Variants in FAM234A observed in about 807,000 individuals in gnomAD.
FAM234A encodes protein FAM234A.
In FAM234A, 42 loss-of-function variants were observed where a neutral mutation model predicts 49.1. The observed-to-expected ratio is 0.86, with a 90% CI of 0.67 to 1.11. The LOEUF is 1.11. Ranked by LOEUF, FAM234A falls within the 50% of genes least tolerant of loss-of-function variation. The pLI is 0.00. For synonymous variants in FAM234A, 369 were observed against 316.2 expected (o/e 1.17, Z -1.77); for missense variants, 815 against 745.2 (o/e 1.09, Z -1.09).
rs575086627 is a variant in FAM234A at position 235,918 on chromosome 16, C to A, written c.-140+1061C>A. ...CTGTCATCCCAGCACTTTGGGAGGC[C>A]GAGGCAGGCGGATCACCTGAGGTCA... On this transcript the variant is annotated intron_variant, in intron 1 of 12. Transcript: ENST00000399932. Among the ~76,000 whole-genome samples the A allele has an allele frequency of 3.3e-4, 50 of 150,682 alleles. 1 individual carries two copies. The highest frequency in any genetic ancestry group is 7.4e-4 in the Non-Finnish European group (50 of 67,602).
In FAM234A at chr16:237,918, C is replaced by T. The variant is rs56007737; in HGVS notation, c.-140+3061C>T. 2.0e-5 allele frequency among the ~76,000 whole-genome samples: 3 copies of T among 151,668 alleles called. No individual in the cohort carries two copies. In the East Asian group the frequency reaches 5.8e-4, roughly 29 times the overall value. On this transcript the variant is annotated intron_variant, in intron 1 of 12. Transcript: ENST00000399932. ...GGGGTTTCACCATGTTGGCTGGGCT[C>T]GTCTCAAACTCCTGGCCTCAGGTGA...
chr16:258,729 G>A (rs1190191627), intron 3 of FAM234A, among the ~76,000 whole-genome samples: 1 of 152,158 alleles, frequency 6.6e-6, no homozygotes, highest in African/African-American at 2.4e-5. Context: ...CAGTAGGGGT[G>A]GCCGGGCAGA....
Position 264,894 on chromosome 16 carries a change from G to A in FAM234A, c.1531G>A (p.Val511Met), listed in dbSNP as rs1467789952. The change falls in exon 13 of 13, where the codon GTG (valine) becomes ATG (methionine). Residue 511 changes from valine (V) to methionine (M), a missense_variant. Val to Met is a conservative substitution (Grantham distance 21). Coordinates refer to ENST00000399932, the MANE Select transcript of FAM234A (RefSeq NM_032039.4). The part of the protein sequence containing the change: ...ADSEAPGLVS[V>M]IKHKVRDLVP... ...CTCAGAGGCACCCGGCCTGGTCTCT[G>A]TGATCAAGCACAAGGTGCGGGACCT... The A allele has an allele frequency of 6.2e-7, 1 of 1,613,056 alleles. No individual in the cohort carries two copies. Among genetic ancestry groups the A allele is most frequent in the East Asian group, 2.2e-5 (1 of 44,888 alleles).
intron 11 of FAM234A, 108 bp from the exon 12 acceptor site, chr16:264,506 A>T: frequency 1.2e-6 from 1 of 850,556 alleles, no homozygotes; most frequent in Non-Finnish European, 1.9e-6. Flanking sequence ...GGGGACCCAG[A>T]TAGGGCCCCT....
chr16:269,111 A>T (rs766186232), downstream of FAM234A: 26 of 891,030 alleles, frequency 2.9e-5, no homozygotes, highest in Non-Finnish European at 3.5e-5. Context: ...GGAGGGAGGG[A>T]GGCTGTGCAC....
chr16:250,166 C>T (rs557155383), intron 2 of FAM234A, among the ~76,000 whole-genome samples: 14 of 152,314 alleles, frequency 9.2e-5, no homozygotes, highest in South Asian at 4.1e-4. Flanking sequence ...CTCCTGACCT[C>T]GTGATCCTCC....
At chr16:251,074 A>G (rs797001666) in intron 2 of FAM234A, among the ~76,000 whole-genome samples, 49 of 152,262 alleles carry the variant, frequency 3.2e-4, no homozygotes, top group African/African-American at 8.7e-4. Flanking sequence ...CTCCTGCCTC[A>G]GCCTCCCGAG....
At chr16:237,547 C>A (rs1237397879) in intron 1 of FAM234A, among the ~76,000 whole-genome samples, 1 of 152,242 alleles carries the variant, frequency 6.6e-6, no homozygotes, top group East Asian at 1.9e-4. Flanking sequence ...AGGCTAGTGA[C>A]TGGAAGCCTC....
chr16:266,824 G>A (rs899468294), downstream of FAM234A, among the ~76,000 whole-genome samples: 6 of 152,296 alleles, frequency 3.9e-5, no homozygotes, highest in East Asian at 1.9e-4. Flanking sequence ...ACCGCCAGGC[G>A]GGCAGGGTGG....
At chr16:236,055 C>T (rs1403987702) in intron 1 of FAM234A, among the ~76,000 whole-genome samples, 1 of 151,888 alleles carries the variant, frequency 6.6e-6, no homozygotes, top group African/African-American at 2.4e-5. Flanking sequence ...CGGGTTCAAG[C>T]GATTCTCCCC....
At position 252,162 on chromosome 16, in the gene FAM234A, A is replaced by G. The variant is rs151330263; in HGVS notation, c.-33-2219A>G. ...ACAGGCATGAGCCACCGTGCTGGCC[A>G]TGTCTCTGTTTTTCTGTTTTTTGTT... On this transcript the variant is annotated intron_variant, in intron 2 of 12. Transcript: ENST00000399932. Among the ~76,000 whole-genome samples the G allele has an allele frequency of 9.7e-3, 1,409 of 144,782 alleles. 22 individuals are homozygous for G. Among genetic ancestry groups the G allele is most frequent in the African/African-American group, 0.034 (1,343 of 38,944 alleles). The allele number at this position is 144,782 out of a possible 152,430, so 95.0% of individuals were successfully genotyped here. A position where few individuals can be genotyped will look rare whatever the true frequency, so the allele number is the denominator to read the frequency against.
At chr16:250,891 T>G (rs1004365450) in intron 2 of FAM234A, among the ~76,000 whole-genome samples, 1 of 152,248 alleles carries the variant, frequency 6.6e-6, no homozygotes, top group African/African-American at 2.4e-5. Context: ...AACACACCAC[T>G]GCATTATGGT....
At chr16:248,754 G>A (rs2050900557) in intron 1 of FAM234A, among the ~76,000 whole-genome samples, 2 of 151,694 alleles carry the variant, frequency 1.3e-5, no homozygotes, top group Admixed American at 1.3e-4. Flanking sequence ...CTGAGTAGTT[G>A]GGACTATAGG....
intron 3 of FAM234A, among the ~76,000 whole-genome samples, chr16:256,542 G>T (rs1274627942): frequency 6.6e-6 from 1 of 151,652 alleles, no homozygotes; most frequent in Non-Finnish European, 1.5e-5. Flanking sequence ...CCCATTTTTA[G>T]AAATTAAAAA....
intron 1 of FAM234A, among the ~76,000 whole-genome samples, chr16:235,159 C>T (rs769030710): frequency 6.6e-6 from 1 of 152,200 alleles, no homozygotes; most frequent in Non-Finnish European, 1.5e-5. Flanking sequence ...TTCCTCAAAG[C>T]GGGGTTTTAC....
rs553977899 is a variant in FAM234A, at chr16:244,547, C to G, written c.-139-5002C>G. Among the ~76,000 whole-genome samples the G allele has an allele frequency of 2.6e-5, 4 of 152,128 alleles. No individual in the cohort carries two copies. In the South Asian group the frequency reaches 8.3e-4, roughly 31 times the overall value. On this transcript the variant is annotated intron_variant, in intron 1 of 12. Coordinates refer to ENST00000399932, the MANE Select transcript of FAM234A (RefSeq NM_032039.4). The stretch of plus-strand genomic sequence containing the variant: ...TACATGAACCTCTGACCCCACTCCC[C>G]CTTACTAACGGTTTTCTTTTCTCTT...
downstream of FAM234A, chr16:268,473 G>T (rs903206343): frequency 1.4e-5 from 7 of 486,544 alleles, no homozygotes; most frequent in Non-Finnish European, 2.3e-5. Context: ...CAGTCTGGGG[G>T]ACTGGTGAGG....
At chr16:259,431 C>A in intron 3 of FAM234A, 52 bp from the exon 4 acceptor site, 2 of 1,058,602 alleles carry the variant, frequency 1.9e-6, no homozygotes, top group South Asian at 1.3e-5. Context: ...CCTGATCGTT[C>A]CTGGAAACCA....
At chr16:243,324 GT>G (rs1395416871) in intron 1 of FAM234A, among the ~76,000 whole-genome samples, 2 of 151,828 alleles carry the variant, frequency 1.3e-5, no homozygotes, top group South Asian at 4.2e-4. Context: ...TCTGTTTTCT[GT>G]TTTTTTAAAT....
Sources: gnomAD v4.1 joint callset for allele counts (sites outside exome capture counted in the v4.1 genomes callset) on GRCh38, gnomAD v4.1.1 for gene constraint, MANE v1.5 for transcripts, NCBI Gene and HGNC (gene_info 2026-07-23, HGNC 2026-07-21) for gene names.